PITPNC1: variants seen among roughly 807,000 people sequenced by gnomAD.
PITPNC1 encodes phosphatidylinositol transfer protein cytoplasmic 1.
PITPNC1 carries 18 observed loss-of-function variants against 44.7 expected under a neutral mutation model. The ratio of observed to expected loss-of-function variants is 0.40; its 90% CI spans 0.28 to 0.60. The LOEUF (loss-of-function observed/expected upper bound fraction) is 0.60, where lower values mean the gene tolerates loss of function less well. Among genes scored for constraint, PITPNC1 ranks in the 20% least tolerant of loss-of-function variants. The probability of loss-of-function intolerance (pLI) is 0.39; values close to 1 mark genes in which losing one functional copy is unlikely to be tolerated. For synonymous variants in PITPNC1, 141 were observed against 149.6 expected, an observed-to-expected ratio of 0.94 and a Z score of 0.42; for missense variants, 290 against 418.4, an observed-to-expected ratio of 0.69 and a Z score of 2.68.
At chr17:67,615,440 G>A (rs1567739692) in intron 5 of PITPNC1, among the ~76,000 whole-genome samples, 2 of 152,212 alleles carry the variant, frequency 1.3e-5, no homozygotes, top group East Asian at 1.9e-4. Context: ...CAGGGCTGCC[G>A]GCCTCCTTGT....
At chr17:67,583,302 C>A (rs187945917) in intron 5 of PITPNC1, among the ~76,000 whole-genome samples, 1 of 152,052 alleles carries the variant, frequency 6.6e-6, no homozygotes, top group African/African-American at 2.4e-5. Context: ...ATTAAAATCA[C>A]CTGGGCCAGG....
At chr17:67,526,824 C>G (rs1046670956) in intron 1 of PITPNC1, among the ~76,000 whole-genome samples, 1 of 152,088 alleles carries the variant, frequency 6.6e-6, no homozygotes, top group African/African-American at 2.4e-5. Context: ...TTCTTCAGTA[C>G]ATTATGCAAC....
intron 1 of PITPNC1, among the ~76,000 whole-genome samples, chr17:67,400,241 A>G (rs768062526): frequency 1.3e-5 from 2 of 152,202 alleles, no homozygotes; most frequent in Admixed American, 6.5e-5. Flanking sequence ...ATGTTGTGTC[A>G]TAGTCATAAA....
chr17:67,431,752 A>C (rs1427731712), intron 1 of PITPNC1, among the ~76,000 whole-genome samples: 1 of 152,224 alleles, frequency 6.6e-6, no homozygotes, highest in Non-Finnish European at 1.5e-5. Context: ...TGCATAGTTC[A>C]CACATCTCCA....
intron 5 of PITPNC1, among the ~76,000 whole-genome samples, chr17:67,589,813 T>C (rs1413865222): frequency 6.6e-6 from 1 of 151,684 alleles, no homozygotes; most frequent in African/African-American, 2.4e-5. Context: ...ACTAAAAATA[T>C]AAAAAATAGC....
chr17:67,563,603 C>T (rs1300634472), intron 4 of PITPNC1, among the ~76,000 whole-genome samples: 1 of 152,196 alleles, frequency 6.6e-6, no homozygotes, highest in Non-Finnish European at 1.5e-5. Context: ...ATTCCATGGA[C>T]AGGTCTCAGT....
intron 8 of PITPNC1, among the ~76,000 whole-genome samples, chr17:67,685,729 G>A (rs2042803177): frequency 6.6e-6 from 1 of 152,180 alleles, no homozygotes; most frequent in South Asian, 2.1e-4. Flanking sequence ...GGGTAGGGGT[G>A]GGGGTAAAAT....
In PITPNC1 at chr17:67,616,496, T is replaced by C. The variant is rs183042190; in HGVS notation, c.367-15647T>C. Among the ~76,000 whole-genome samples the C allele has an allele frequency of 8.5e-5, 13 of 152,236 alleles. 1 individual carries two copies. In the East Asian group the frequency reaches 2.5e-3, roughly 29 times the overall value. On this transcript the variant is annotated intron_variant, in intron 5 of 8. Coordinates refer to ENST00000581322, the MANE Select transcript of PITPNC1 (RefSeq NM_012417.4). ...GGGCACCTGATTAGAACGTTGTTTT[T>C]CCAAACAGCATCTTTTTCTCATCGG...
intron 1 of PITPNC1, among the ~76,000 whole-genome samples, chr17:67,490,112 CTGTGTGTGTGTGTGTGTGTGTGTG>C (rs71354073): frequency 8.3e-5 from 12 of 144,974 alleles, no homozygotes; most frequent in African/African-American, 2.3e-4. Flanking sequence ...ACAGGCTTTT[CTGTGTGTGTGTGTGTGTGTGTGTG>C]TGTGTGTGTG....
chr17:67,654,590 T>C (rs1247163670), intron 6 of PITPNC1, among the ~76,000 whole-genome samples: 1 of 152,206 alleles, frequency 6.6e-6, no homozygotes, highest in Admixed American at 6.5e-5. Flanking sequence ...CTGGGGACTT[T>C]GCCTACCTTA....
chr17:67,516,003 A>C (rs2040253725), intron 1 of PITPNC1, among the ~76,000 whole-genome samples: 1 of 152,096 alleles, frequency 6.6e-6, no homozygotes, highest in South Asian at 2.1e-4. Context: ...TGTGTGCAGG[A>C]ATTTATGTAG....
At chr17:67,385,328 T>C (rs945228558) in intron 1 of PITPNC1, among the ~76,000 whole-genome samples, 1 of 152,186 alleles carries the variant, frequency 6.6e-6, no homozygotes, top group Non-Finnish European at 1.5e-5. Flanking sequence ...CAGCTCTCTG[T>C]GGCTAGCTAG....
At chr17:67,462,876 A>G (rs150807952) in intron 1 of PITPNC1, among the ~76,000 whole-genome samples, 225 of 152,104 alleles carry the variant, frequency 1.5e-3, no homozygotes, top group East Asian at 0.012. Flanking sequence ...CTAATTTTGT[A>G]TTTTTAGTAG....
chr17:67,653,275 A>G (rs1050862673), intron 6 of PITPNC1, among the ~76,000 whole-genome samples: 3 of 151,948 alleles, frequency 2.0e-5, no homozygotes, highest in Non-Finnish European at 2.9e-5. Flanking sequence ...TGTCTAAAAG[A>G]AAAAAAAGGT....
At position 67,517,959 on chromosome 17, in the gene PITPNC1, G is replaced by A. The variant is rs116817814; in HGVS notation, c.49-14843G>A. 3.8e-3 allele frequency among the ~76,000 whole-genome samples: 579 copies of A among 152,238 alleles called. 4 individuals carry two copies. Among genetic ancestry groups the A allele is most frequent in the Non-Finnish European group, 3.3e-3 (225 of 68,016 alleles). The stretch of plus-strand genomic sequence containing the variant: ...CATCTTTAAGATTACTTTTTCCAGC[G>A]TAGCTGTCACCTAAAATAGAATAAA... On this transcript the variant is annotated intron_variant, in intron 1 of 8. Transcript: ENST00000581322.
chr17:67,645,333 C>T (rs1404082095), intron 6 of PITPNC1, among the ~76,000 whole-genome samples: 2 of 143,284 alleles, frequency 1.4e-5, no homozygotes, highest in Non-Finnish European at 3.0e-5. Context: ...AAGAGCGAAA[C>T]TCCATCTCAG....
At chr17:67,557,018 C>A (rs1462467683) in intron 4 of PITPNC1, among the ~76,000 whole-genome samples, 2 of 152,186 alleles carry the variant, frequency 1.3e-5, no homozygotes, top group African/African-American at 4.8e-5. Flanking sequence ...ACAACTCCCC[C>A]TGCAGAGGCC....
intron 2 of PITPNC1, among the ~76,000 whole-genome samples, chr17:67,546,708 A>G (rs2040688964): frequency 1.3e-5 from 2 of 152,210 alleles, no homozygotes; most frequent in South Asian, 4.1e-4. Flanking sequence ...TGTCTTGTTA[A>G]GCAGGGAGGT....
At chr17:67,418,069 C>T (rs190236781) in intron 1 of PITPNC1, among the ~76,000 whole-genome samples, 11 of 152,128 alleles carry the variant, frequency 7.2e-5, no homozygotes, top group African/African-American at 2.2e-4. Flanking sequence ...AACAAGGCAG[C>T]GTATTGAAAT....
Sources: gnomAD v4.1 joint callset for allele counts (sites outside exome capture counted in the v4.1 genomes callset) on GRCh38, gnomAD v4.1.1 for gene constraint, MANE v1.5 for transcripts, NCBI Gene and HGNC (gene_info 2026-07-23, HGNC 2026-07-21) for gene names.